CAMK1G: variants seen among roughly 807,000 people sequenced by gnomAD.
The protein encoded by CAMK1G is calcium/calmodulin-dependent protein kinase type 1G.
CAMK1G carries 27 observed loss-of-function variants against 54.8 expected under a neutral mutation model. That is an observed-to-expected ratio of 0.49 (90% CI 0.36 to 0.68). The LOEUF (loss-of-function observed/expected upper bound fraction) is 0.68, where lower values mean the gene tolerates loss of function less well. Among genes scored for constraint, CAMK1G ranks in the 30% least tolerant of loss-of-function variants. CAMK1G has a pLI of 0.00. For missense variants in CAMK1G, 512 were observed against 591.0 expected (o/e 0.87, Z 1.39); for synonymous variants, 238 against 224.9 (o/e 1.06, Z -0.52).
intron 4 of CAMK1G, among the ~76,000 whole-genome samples, chr1:209,605,092 A>C (rs1665615287): frequency 6.6e-6 from 1 of 152,144 alleles, no homozygotes; most frequent in African/African-American, 2.4e-5. Flanking sequence ...CCAAAATGAG[A>C]AGAGAAATCT....
chr1:209,595,130 A>G (rs1665347944), intron 2 of CAMK1G, 55 bp downstream of exon 2: 16 of 1,256,224 alleles, frequency 1.3e-5, no homozygotes, highest in Admixed American at 8.6e-5. Context: ...GTGGGAGGTT[A>G]GAAGAGTTGT....
At chr1:209,606,883 T>G (rs1419117441) in intron 6 of CAMK1G, among the ~76,000 whole-genome samples, 1 of 152,194 alleles carries the variant, frequency 6.6e-6, no homozygotes, top group African/African-American at 2.4e-5. Context: ...AATTTGGGCC[T>G]GAGGAACCCA....
rs1463211344 is a variant in CAMK1G, at chr1:209,592,354, A to AAAC, written c.-29-2599_-29-2598insCAA. Among the ~76,000 whole-genome samples, 8 of 147,670 alleles carry AAAC rather than the reference A, an allele frequency of 5.4e-5. No homozygotes were observed. In the East Asian group the frequency reaches 1.4e-3, roughly 25 times the overall value. ...AGCAAGACTCTGTCTCAAAAAAAAA[A>AAAC]AAAAAAAAAACTCCAGTACTCCTAC... On this transcript the variant is annotated intron_variant, in intron 1 of 12. Coordinates refer to ENST00000361322, the MANE Select transcript of CAMK1G (RefSeq NM_020439.3).
At position 209,600,703 on chromosome 1, in the gene CAMK1G, G is replaced by A. The variant is rs1172480459; in HGVS notation, c.221+592G>A. Reference sequence around the variant, plus strand: ...CCTATAAGAAAATCCAACAAAATCGGATGTGAGTCACACTAGCAGAAGGCA... The same window carrying A: ...CCTATAAGAAAATCCAACAAAATCGAATGTGAGTCACACTAGCAGAAGGCA... On this transcript the variant is annotated intron_variant, in intron 3 of 12. Coordinates refer to ENST00000361322, the MANE Select transcript of CAMK1G (RefSeq NM_020439.3). Among the ~76,000 whole-genome samples, 4 of 152,228 alleles carry A rather than the reference G, an allele frequency of 2.6e-5. No individual in the cohort carries two copies. In the South Asian group the frequency reaches 6.2e-4, roughly 24 times the overall value.
intron 1 of CAMK1G, among the ~76,000 whole-genome samples, chr1:209,593,573 G>A (rs1294751886): frequency 6.6e-6 from 1 of 152,054 alleles, no homozygotes; most frequent in Non-Finnish European, 1.5e-5. Flanking sequence ...GCTCAGTCAG[G>A]GCACCCCCCA....
In CAMK1G at chr1:209,612,039, C is replaced by A. The variant is rs778110659; in HGVS notation, c.1163C>A (p.Ser388Tyr). The A allele has an allele frequency of 1.2e-6, 2 of 1,614,264 alleles. No individual in the cohort carries two copies. Among genetic ancestry groups the A allele is most frequent in the Non-Finnish European group, 1.7e-6 (2 of 1,180,056 alleles). ...CGGCCCACTGCCCCTGGTGGCAGGT[C>A]CCTCAACTGCCTGGTCAATGGCTCC... ...GRRPTAPGGR[S>Y]LNCLVNGSLH... The change falls in exon 11 of 13, where the codon TCC becomes TAC. Residue 388 changes from serine (S) to tyrosine (Y), a missense_variant. Ser to Tyr is a moderately radical substitution (Grantham distance 144). Transcript: ENST00000361322.
In CAMK1G at chr1:209,600,218, C is replaced by A. The variant is rs150602074; in HGVS notation, c.221+107C>A. On this transcript the variant is annotated intron_variant, in intron 3 of 12. Coordinates refer to ENST00000361322, the MANE Select transcript of CAMK1G (RefSeq NM_020439.3). ...TGGATTTCTGCACCCAAAGGCATTGCTCACTTTGATTGAGTTGATGGGTCA... is the reference window on the plus strand; with the variant it reads ...TGGATTTCTGCACCCAAAGGCATTGATCACTTTGATTGAGTTGATGGGTCA... 2.4e-4 allele frequency: 331 copies of A among 1,354,138 alleles called. 4 individuals are homozygous for A. The East Asian group carries it at 7.7e-3, about 32-fold the overall frequency. The allele number at this position is 1,354,138 out of a possible 1,614,324, so 83.9% of individuals were successfully genotyped here.
chr1:209,590,259 C>T (rs576698656), intron 1 of CAMK1G, among the ~76,000 whole-genome samples: 1 of 152,134 alleles, frequency 6.6e-6, no homozygotes, highest in African/African-American at 2.4e-5. Context: ...CAGGATGCAG[C>T]CATGGAAGGA....
intron 8 of CAMK1G, among the ~76,000 whole-genome samples, chr1:209,609,370 C>T (rs1665726091): frequency 6.6e-6 from 1 of 152,106 alleles, no homozygotes; most frequent in Non-Finnish European, 1.5e-5. Context: ...GAGGGCAGAG[C>T]CAGGTGGTGA....
Position 209,611,909 on chromosome 1 carries a change from A to G in CAMK1G, c.1033A>G (p.Thr345Ala). Residue 345 changes from threonine (T) to alanine (A), a missense_variant, in exon 11 of 13, where the codon ACC (threonine) becomes GCC (alanine). By Grantham distance (58) the Thr-to-Ala change is moderately conservative. This residue lies in a region of CAMK1G where 315 missense variants were observed against 330.5 expected (regional missense o/e 0.95). Transcript: ENST00000361322. ...NRPPETQASE[T>A]SRPSSPEITI... is the part of the protein sequence containing the mutation. ...GCCGCCTGAAACTCAAGCCTCAGAA[A>G]CCTCTAGACCCAGCTCCCCTGAGAT... 1 of 1,614,080 alleles carries G rather than the reference A, an allele frequency of 6.2e-7. No homozygotes were observed. Among genetic ancestry groups the G allele is most frequent in the Non-Finnish European group, 8.5e-7 (1 of 1,179,988 alleles).
intron 11 of CAMK1G, 135 bp downstream of exon 11, chr1:209,612,351 G>A (rs1665804768): frequency 3.1e-6 from 3 of 953,084 alleles, no homozygotes; most frequent in South Asian, 3.5e-5. Flanking sequence ...TCTGGATGAG[G>A]GGGCAAGGAA....
intron 2 of CAMK1G, among the ~76,000 whole-genome samples, chr1:209,596,661 CCACACACA>C (rs55936082): frequency 0.044 from 6,532 of 148,158 alleles, 182 homozygotes; most frequent in Non-Finnish European, 0.053. Context: ...CACACACACA[CCACACACA>C]CACACACACA....
intron 1 of CAMK1G, among the ~76,000 whole-genome samples, chr1:209,593,284 C>A (rs1032020779): frequency 6.6e-6 from 1 of 152,086 alleles, no homozygotes; most frequent in African/African-American, 2.4e-5. Context: ...AATACAAGAC[C>A]CCATAGAGTC....
chr1:209,603,908 G>T (rs773977000), intron 4 of CAMK1G, among the ~76,000 whole-genome samples: 1 of 152,152 alleles, frequency 6.6e-6, no homozygotes, highest in Non-Finnish European at 1.5e-5. Context: ...CATTAGCAAG[G>T]TCTCTGCGTC....
At chr1:209,602,037 C>T (rs1665542363) in intron 3 of CAMK1G, among the ~76,000 whole-genome samples, 2 of 152,136 alleles carry the variant, frequency 1.3e-5, no homozygotes. Context: ...CAGGCAGGCA[C>T]AGCATTGCTG....
At chr1:209,606,835 G>T (rs12069172) in intron 6 of CAMK1G, among the ~76,000 whole-genome samples, 3,817 of 152,204 alleles carry the variant, frequency 0.025, 168 homozygotes, top group East Asian at 0.23. Flanking sequence ...GGAGACATTA[G>T]CCCCCAGTTC....
intron 9 of CAMK1G, among the ~76,000 whole-genome samples, chr1:209,611,236 A>G (rs1193510509): frequency 6.6e-6 from 1 of 152,224 alleles, no homozygotes; most frequent in Non-Finnish European, 1.5e-5. Context: ...CCTATAGGCT[A>G]TAGCTTGTTG....
intron 2 of CAMK1G, among the ~76,000 whole-genome samples, chr1:209,595,633 A>G (rs535539891): frequency 6.6e-6 from 1 of 151,996 alleles, no homozygotes; most frequent in Non-Finnish European, 1.5e-5. Flanking sequence ...CAGCATCTTC[A>G]TTTCTCCAGC....
rs140521798 is a variant in CAMK1G, at chr1:209,605,774, C to A, written c.435+100C>A. 8.2e-6 allele frequency: 10 copies of A among 1,219,000 alleles called. No individual in the cohort carries two copies. The East Asian group carries it at 1.9e-4, about 23-fold the overall frequency. 75.5% of individuals were successfully genotyped at this position (1,219,000 alleles called of 1,614,324 possible). On this transcript the variant is annotated intron_variant, in intron 5 of 12. Transcript: ENST00000361322. ...AGCTCCATAAAGTAAGAGGGTTGGA[C>A]TAGTGACTCCCAAGGCCCCTTCTGC... is the stretch of plus-strand genomic sequence containing the variant.
Sources: gnomAD v4.1 joint callset for allele counts (sites outside exome capture counted in the v4.1 genomes callset) on GRCh38, gnomAD v4.1.1 for gene constraint, gnomAD v4.1.1 regional missense constraint, MANE v1.5 for transcripts, NCBI Gene and HGNC (gene_info 2026-07-23, HGNC 2026-07-21) for gene names.